CNOT2: variants seen among roughly 807,000 people sequenced by gnomAD.
CNOT2 encodes the protein CC chemokine receptor 4-negative regulator of transcription 2.
A neutral mutation model predicts 72.1 loss-of-function variants in CNOT2; 7 were observed. That is an observed-to-expected ratio of 0.10 (90% confidence interval 0.06 to 0.18). The LOEUF (loss-of-function observed/expected upper bound fraction) is 0.18, where lower values mean the gene tolerates loss of function less well. CNOT2 is among the 10% of genes least tolerant of loss of function. The pLI is 1.00. For missense variants in CNOT2, 345 were observed against 660.3 expected (o/e 0.52, Z 5.23); for synonymous variants, 196 against 225.6 (o/e 0.87, Z 1.17).
intron 1 of CNOT2, among the ~76,000 whole-genome samples, chr12:70,253,522 G>A (rs1958256858): frequency 6.6e-6 from 1 of 152,110 alleles, no homozygotes; most frequent in African/African-American, 2.4e-5. Flanking sequence ...CTTTAATGAA[G>A]AGATAATATA....
chr12:70,245,893 A>C (rs965132465), intron 1 of CNOT2, among the ~76,000 whole-genome samples: 1 of 152,184 alleles, frequency 6.6e-6, no homozygotes, highest in East Asian at 1.9e-4. Context: ...GTTCAAAAGT[A>C]AATAAAATTT....
intron 2 of CNOT2, among the ~76,000 whole-genome samples, chr12:70,293,217 G>A (rs577665139): frequency 6.7e-5 from 10 of 148,762 alleles, no homozygotes; most frequent in Non-Finnish European, 1.2e-4. Context: ...CTGGAGTGCA[G>A]TGGCACGATC....
chr12:70,266,897 A>G (rs1204984692), intron 1 of CNOT2, among the ~76,000 whole-genome samples: 1 of 151,760 alleles, frequency 6.6e-6, no homozygotes, highest in African/African-American at 2.4e-5. Flanking sequence ...ATCTATATCT[A>G]ATATAATTAT....
intron 14 of CNOT2, chr12:70,345,217 G>A (rs1882017394): frequency 6.6e-6 from 1 of 152,080 alleles, no homozygotes; most frequent in African/African-American, 2.4e-5. Context: ...ACAAATTTAA[G>A]TATTTCATAA....
intron 1 of CNOT2, among the ~76,000 whole-genome samples, chr12:70,265,195 C>T (rs889663321): frequency 6.6e-6 from 1 of 151,986 alleles, no homozygotes; most frequent in East Asian, 1.9e-4. Context: ...GAAAACATGT[C>T]AAGTTGGTAT....
chr12:70,304,613 G>A (rs534459644), intron 2 of CNOT2, among the ~76,000 whole-genome samples: 1 of 151,772 alleles, frequency 6.6e-6, no homozygotes, highest in African/African-American at 2.4e-5. Context: ...CGCCCCTACT[G>A]GGGGGTCAGG....
intron 4 of CNOT2, among the ~76,000 whole-genome samples, chr12:70,327,325 CAT>C (rs540667731): frequency 2.0e-4 from 31 of 151,760 alleles, no homozygotes; most frequent in Non-Finnish European, 4.0e-4. Context: ...TTGAGGGAAA[CAT>C]ATTCAAAAGG....
intron 2 of CNOT2, among the ~76,000 whole-genome samples, chr12:70,308,374 A>G (rs1404247052): frequency 1.3e-5 from 2 of 152,000 alleles, no homozygotes; most frequent in East Asian, 1.9e-4. Flanking sequence ...GTTTGCATTC[A>G]TGGGGGAGAG....
intron 1 of CNOT2, among the ~76,000 whole-genome samples, chr12:70,260,853 A>AT (rs55908570): frequency 0.11 from 14,949 of 135,636 alleles, 830 homozygotes; most frequent in East Asian, 0.21. Context: ...GATGCATTCT[A>AT]TTTTTTTTTT....
chr12:70,261,070 G>T (rs760480205), intron 1 of CNOT2, among the ~76,000 whole-genome samples: 1 of 151,236 alleles, frequency 6.6e-6, no homozygotes, highest in Non-Finnish European at 1.5e-5. Flanking sequence ...CTAGTATGTT[G>T]AGTGCTTTTA....
At chr12:70,348,529 G>A (rs1263216484) in intron 15 of CNOT2, among the ~76,000 whole-genome samples, 1 of 152,030 alleles carries the variant, frequency 6.6e-6, no homozygotes, top group African/African-American at 2.4e-5. Flanking sequence ...GGAAAGAACT[G>A]AAGTTTTCTC....
chr12:70,337,360 C>G (rs774042073), intron 8 of CNOT2, 29 bp from the exon 9 acceptor site: 6 of 1,575,652 alleles, frequency 3.8e-6, no homozygotes, highest in East Asian at 2.3e-5. Flanking sequence ...ATATCAATTG[C>G]AATTCTCCGG....
rs193115394 is a variant in CNOT2 at position 70,348,925 on chromosome 12, T to C, written c.1536+2601T>C. 1.4e-4 allele frequency among the ~76,000 whole-genome samples: 22 copies of C among 152,150 alleles called. No individual in the cohort carries two copies. In the East Asian group the frequency reaches 4.0e-3, roughly 28 times the overall value. On this transcript the variant is annotated intron_variant, in intron 15 of 15. Coordinates refer to ENST00000229195, the MANE Select transcript of CNOT2 (RefSeq NM_014515.7). ...TACAGTTGAGCTTTTGTCTTTATCT[T>C]TAAATTTTTTAACTGTGATGTGAAA...
intron 1 of CNOT2, among the ~76,000 whole-genome samples, chr12:70,264,346 G>C (rs1215970981): frequency 6.6e-6 from 1 of 152,068 alleles, no homozygotes; most frequent in Admixed American, 6.5e-5. Flanking sequence ...GTACCCTTAG[G>C]CTTGAACTTC....
chr12:70,340,266 G>C (rs1881314377), intron 11 of CNOT2, among the ~76,000 whole-genome samples: 1 of 152,110 alleles, frequency 6.6e-6, no homozygotes, highest in Admixed American at 6.5e-5. Context: ...ACACATTCTT[G>C]TACTTGAATT....
chr12:70,278,650 A>G (rs1372812038), intron 2 of CNOT2, among the ~76,000 whole-genome samples: 1 of 152,212 alleles, frequency 6.6e-6, no homozygotes, highest in Non-Finnish European at 1.5e-5. Flanking sequence ...TATTTTGGAT[A>G]ACAAAGTATA....
At chr12:70,302,727 T>G (rs1448405679) in intron 2 of CNOT2, among the ~76,000 whole-genome samples, 3 of 152,242 alleles carry the variant, frequency 2.0e-5, no homozygotes, top group South Asian at 2.1e-4. Flanking sequence ...AGATGTCTAT[T>G]AGGTCCACTT....
chr12:70,291,195 T>A (rs1381294945), intron 2 of CNOT2, among the ~76,000 whole-genome samples: 1 of 152,122 alleles, frequency 6.6e-6, no homozygotes, highest in Non-Finnish European at 1.5e-5. Context: ...CAGGTAAAAA[T>A]TTTACCAATA....
At chr12:70,286,083 A>C in intron 2 of CNOT2, among the ~76,000 whole-genome samples, 1 of 151,742 alleles carries the variant, frequency 6.6e-6, no homozygotes, top group Non-Finnish European at 1.5e-5. Flanking sequence ...GAGCAGAACC[A>C]GGAAATCTCA....
Sources: allele counts gnomAD v4.1 joint callset (sites outside exome capture counted in the v4.1 genomes callset), GRCh38; gene constraint gnomAD v4.1.1; transcripts MANE v1.5; gene names NCBI Gene and HGNC (gene_info 2026-07-23, HGNC 2026-07-21).